The following TMEM178B variants were observed in gnomAD, a reference collection of about 807,000 sequenced individuals.
TMEM178B encodes the protein transmembrane protein 178B.
TMEM178B carries 5 observed loss-of-function variants against 31.0 expected under a neutral mutation model. The observed-to-expected ratio is 0.16, with a 90% CI of 0.08 to 0.34. TMEM178B has a LOEUF of 0.34. TMEM178B is among the 10% of genes least tolerant of loss of function. The pLI is 1.00. For synonymous variants in TMEM178B, 164 were observed against 164.0 expected (o/e 1.00, Z 0.00); for missense variants, 275 against 400.3 (o/e 0.69, Z 2.67).
At position 141,156,912 on chromosome 7, in the gene TMEM178B, T is replaced by C. The variant is rs796652343; in HGVS notation, c.383-55679T>C. Among the ~76,000 whole-genome samples, 5 of 152,246 alleles carry C rather than the reference T, an allele frequency of 3.3e-5. 1 individual carries two copies. Among genetic ancestry groups the C allele is most frequent in the African/African-American group, 1.2e-4 (5 of 41,528 alleles). On this transcript the variant is annotated intron_variant, in intron 1 of 3. Transcript: ENST00000565468. ...CTGTTGATAAATGAGGGATTTGGGG[T>C]AGGTCAGTGGTTTGTAACCAGGGGA...
At chr7:141,285,062 A>C (rs1002646015) in intron 2 of TMEM178B, among the ~76,000 whole-genome samples, 2 of 151,760 alleles carry the variant, frequency 1.3e-5, no homozygotes, top group Non-Finnish European at 2.9e-5. Flanking sequence ...TCTTTAAAAA[A>C]AAAAAAAAAC....
intron 2 of TMEM178B, among the ~76,000 whole-genome samples, chr7:141,217,957 T>C (rs1797186804): frequency 1.3e-5 from 2 of 152,118 alleles, no homozygotes; most frequent in African/African-American, 4.8e-5. Flanking sequence ...TTTGAAGCTT[T>C]CTTCTGTCAG....
intron 2 of TMEM178B, among the ~76,000 whole-genome samples, chr7:141,435,271 A>C (rs137939856): frequency 1.3e-5 from 2 of 152,382 alleles, no homozygotes; most frequent in African/African-American, 4.8e-5. Flanking sequence ...CGCAAAATCC[A>C]AAACTATACA....
chr7:141,429,273 G>T (rs761180319), intron 2 of TMEM178B, among the ~76,000 whole-genome samples: 1 of 151,364 alleles, frequency 6.6e-6, no homozygotes, highest in African/African-American at 2.4e-5. Context: ...TCACCTGAGT[G>T]TCAACCAATG....
intron 1 of TMEM178B, among the ~76,000 whole-genome samples, chr7:141,101,071 T>C (rs1324009783): frequency 2.0e-5 from 3 of 152,234 alleles, no homozygotes; most frequent in Non-Finnish European, 2.9e-5. Context: ...AATGTAAATT[T>C]CCACAGGCTC....
intron 3 of TMEM178B, among the ~76,000 whole-genome samples, chr7:141,465,976 T>C (rs1802142390): frequency 6.6e-6 from 1 of 152,206 alleles, no homozygotes; most frequent in Non-Finnish European, 1.5e-5. Flanking sequence ...TGAGCTATGA[T>C]TGTACCACTG....
chr7:141,414,748 A>G (rs1458423388), intron 2 of TMEM178B: 1 of 152,310 alleles, frequency 6.6e-6, no homozygotes, highest in Non-Finnish European at 1.5e-5. Flanking sequence ...GTTATTATAA[A>G]TGTGTATTTA....
chr7:141,221,159 C>T (rs898417246), intron 2 of TMEM178B, among the ~76,000 whole-genome samples: 1 of 152,142 alleles, frequency 6.6e-6, no homozygotes, highest in Non-Finnish European at 1.5e-5. Flanking sequence ...CATTTTACAG[C>T]GAGGGAAAAG....
chr7:141,179,074 A>G lies in TMEM178B; in HGVS notation c.383-33517A>G, dbSNP rs1037114344. Among the ~76,000 whole-genome samples the G allele has an allele frequency of 3.4e-4, 52 of 152,152 alleles. 1 individual carries two copies. The highest frequency in any genetic ancestry group is 3.5e-4 in the Non-Finnish European group (24 of 68,030). On this transcript the variant is annotated intron_variant, in intron 1 of 3. Coordinates refer to ENST00000565468, the MANE Select transcript of TMEM178B (RefSeq NM_001195278.2). ...AATTCAGGTGGAACTGTGCTGCTAG[A>G]GAGCTACTGATTTTATGGACAAGCC...
chr7:141,078,342 T>G (rs1273552684), intron 1 of TMEM178B, among the ~76,000 whole-genome samples: 1 of 152,208 alleles, frequency 6.6e-6, no homozygotes, highest in African/African-American at 2.4e-5. Context: ...TCTAAGAACT[T>G]TTTATTATTT....
At chr7:141,496,697 C>G in the TMEM178B span, among the ~76,000 whole-genome samples, 10 of 142,544 alleles carry the variant, frequency 7.0e-5, no homozygotes, top group South Asian at 2.2e-3. Context: ...AAAAAAACCT[C>G]TGTAGAAGGG....
chr7:141,505,565 TAA>T, the TMEM178B span, among the ~76,000 whole-genome samples: 2 of 152,114 alleles, frequency 1.3e-5, no homozygotes, highest in Non-Finnish European at 2.9e-5. Context: ...GTCATGAGAG[TAA>T]GTTTCTTATA....
At chr7:141,304,341 G>A (rs1163770503) in intron 2 of TMEM178B, among the ~76,000 whole-genome samples, 1 of 152,144 alleles carries the variant, frequency 6.6e-6, no homozygotes, top group Non-Finnish European at 1.5e-5. Context: ...GCAGAGCTCC[G>A]TTCTTCTGAA....
intron 2 of TMEM178B, among the ~76,000 whole-genome samples, chr7:141,244,252 TA>T (rs1316896295): frequency 6.6e-6 from 1 of 152,192 alleles, no homozygotes; most frequent in Non-Finnish European, 1.5e-5. Context: ...ACTGACGGTG[TA>T]AAACGTAACT....
intron 2 of TMEM178B, among the ~76,000 whole-genome samples, chr7:141,432,289 A>G (rs531718952): frequency 1.3e-5 from 2 of 151,396 alleles, no homozygotes; most frequent in Admixed American, 1.3e-4. Context: ...CCGAGTAGCT[A>G]TGATTACCGG....
chr7:141,292,365 T>TC (rs1348292799), intron 2 of TMEM178B, among the ~76,000 whole-genome samples: 1 of 152,226 alleles, frequency 6.6e-6, no homozygotes, highest in Non-Finnish European at 1.5e-5. Context: ...CACCTTGCCA[T>TC]CTTGTCTAGG....
chr7:141,370,888 G>A (rs552321667), intron 2 of TMEM178B, among the ~76,000 whole-genome samples: 10 of 152,220 alleles, frequency 6.6e-5, no homozygotes, highest in Non-Finnish European at 1.2e-4. Context: ...TCAGAAGCCC[G>A]ATGTTGTCTG....
chr7:141,182,060 A>T (rs767478203), intron 1 of TMEM178B, among the ~76,000 whole-genome samples: 3 of 152,144 alleles, frequency 2.0e-5, no homozygotes, highest in Non-Finnish European at 4.4e-5. Flanking sequence ...CCCAGTGCAC[A>T]CCCTTTCCTA....
downstream of TMEM178B, among the ~76,000 whole-genome samples, chr7:141,481,483 A>G (rs1043803836): frequency 7.9e-5 from 12 of 152,128 alleles, no homozygotes; most frequent in African/African-American, 2.7e-4. Context: ...AGTGGGTGTG[A>G]CATAAACCAT....
Sources: gnomAD v4.1 joint callset for allele counts (sites outside exome capture counted in the v4.1 genomes callset) on GRCh38, gnomAD v4.1.1 for gene constraint, MANE v1.5 for transcripts, NCBI Gene and HGNC (gene_info 2026-07-23, HGNC 2026-07-21) for gene names.